The following ANKRD31 variants were observed in gnomAD, a reference collection of about 807,000 sequenced individuals.
ANKRD31 encodes the protein ankyrin repeat domain 31.
A neutral mutation model predicts 186.0 loss-of-function variants in ANKRD31; 147 were observed. The ratio of observed to expected loss-of-function variants is 0.79; its 90% CI spans 0.69 to 0.91. ANKRD31 has a LOEUF of 0.91. Among genes scored for constraint, ANKRD31 ranks in the 40% least tolerant of loss-of-function variants. The probability of loss-of-function intolerance (pLI) is 0.00; values close to 1 mark genes in which losing one functional copy is unlikely to be tolerated. For missense variants in ANKRD31, 1,986 were observed against 2,148.8 expected, an observed-to-expected ratio of 0.92 and a Z score of 1.50; for synonymous variants, 673 against 736.4, an observed-to-expected ratio of 0.91 and a Z score of 1.39.
intron 3 of ANKRD31, among the ~76,000 whole-genome samples, chr5:75,216,305 A>G (rs189191936): frequency 2.9e-4 from 44 of 152,264 alleles, no homozygotes; most frequent in South Asian, 6.2e-4. Context: ...CCCAGGTTCC[A>G]CCCAAGTATG....
chr5:75,091,061 T>A (rs996728100), intron 23 of ANKRD31, among the ~76,000 whole-genome samples, 200 bp downstream of exon 23: 4 of 152,224 alleles, frequency 2.6e-5, no homozygotes, highest in Admixed American at 6.5e-5. Context: ...TTCTGGCAAA[T>A]AGGACTTGTG....
chr5:75,165,157 A>G (rs951310469), intron 11 of ANKRD31, among the ~76,000 whole-genome samples: 11 of 152,126 alleles, frequency 7.2e-5, no homozygotes, highest in Non-Finnish European at 1.3e-4. Context: ...GGACCATGTG[A>G]TCATAAAGGT....
chr5:75,206,557 T>C, intron 4 of ANKRD31, 70 bp from the exon 5 acceptor site: 2 of 903,296 alleles, frequency 2.2e-6, no homozygotes, highest in Non-Finnish European at 2.9e-6. Flanking sequence ...TCAAATACAA[T>C]TTAATTTTTC....
At chr5:75,134,391 C>T (rs2964810) in intron 17 of ANKRD31, among the ~76,000 whole-genome samples, 14 of 152,110 alleles carry the variant, frequency 9.2e-5, no homozygotes, top group Admixed American at 3.3e-4. Flanking sequence ...AACACCTATA[C>T]GCAAATAAAT....
intron 11 of ANKRD31, among the ~76,000 whole-genome samples, chr5:75,156,371 T>C (rs1752175275): frequency 6.6e-6 from 1 of 152,188 alleles, no homozygotes; most frequent in Non-Finnish European, 1.5e-5. Flanking sequence ...TGTTAATTCA[T>C]GTTTAAAATC....
intron 1 of ANKRD31, among the ~76,000 whole-genome samples, chr5:75,232,964 C>T (rs1272499167): frequency 1.3e-5 from 2 of 152,236 alleles, no homozygotes; most frequent in Non-Finnish European, 2.9e-5. Flanking sequence ...TTCCTTTAGC[C>T]TCCCTACATA....
chr5:75,209,207 C>T (rs1370888813), intron 4 of ANKRD31, among the ~76,000 whole-genome samples: 2 of 152,026 alleles, frequency 1.3e-5, no homozygotes, highest in Non-Finnish European at 2.9e-5. Context: ...GATTTTGTAA[C>T]ATCATGCATT....
chr5:75,167,041 T>TC (rs74699205), intron 11 of ANKRD31, among the ~76,000 whole-genome samples: 29,793 of 151,826 alleles, frequency 0.2, 3,859 homozygotes, highest in African/African-American at 0.37. Flanking sequence ...ACATTTTCAT[T>TC]CCCCCTAAAA....
chr5:75,159,912 C>G (rs1259837958), intron 11 of ANKRD31, among the ~76,000 whole-genome samples: 1 of 151,968 alleles, frequency 6.6e-6, no homozygotes, highest in Non-Finnish European at 1.5e-5. Flanking sequence ...AGGCCTATAA[C>G]ATTTATAAAT....
At chr5:75,187,151 T>C (rs1259612885) in intron 10 of ANKRD31, among the ~76,000 whole-genome samples, 1 of 147,886 alleles carries the variant, frequency 6.8e-6, no homozygotes, top group Non-Finnish European at 1.5e-5. Context: ...TGTGTGTGTT[T>C]TGGGAGGTGA....
intron 25 of ANKRD31, among the ~76,000 whole-genome samples, chr5:75,074,976 G>A (rs1270493487): frequency 1.3e-5 from 2 of 152,258 alleles, no homozygotes; most frequent in East Asian, 1.9e-4. Flanking sequence ...ATACCAGTAT[G>A]TAATAATATT....
chr5:75,109,186 A>G (rs1162303747), intron 20 of ANKRD31, among the ~76,000 whole-genome samples: 1 of 152,212 alleles, frequency 6.6e-6, no homozygotes, highest in African/African-American at 2.4e-5. Flanking sequence ...CTTATCTTAA[A>G]TACAGAAAAA....
At chr5:75,086,009 A>G (rs576298374) in intron 23 of ANKRD31, among the ~76,000 whole-genome samples, 11 of 152,320 alleles carry the variant, frequency 7.2e-5, no homozygotes, top group African/African-American at 1.9e-4. Context: ...CTCACTTGCC[A>G]TAGAAAGTAG....
intron 10 of ANKRD31, among the ~76,000 whole-genome samples, chr5:75,180,710 T>C (rs1415375298): frequency 1.3e-5 from 2 of 152,196 alleles, no homozygotes; most frequent in African/African-American, 4.8e-5. Flanking sequence ...GATCCCTTCC[T>C]TACACCTATA....
intron 11 of ANKRD31, among the ~76,000 whole-genome samples, chr5:75,168,590 T>C (rs1422696): frequency 0.51 from 77,056 of 151,924 alleles, 22,568 homozygotes; most frequent in African/African-American, 0.82. Context: ...TGCCTCAGGC[T>C]GATTATGAAA....
chr5:75,148,706 T>C (rs899651789), intron 12 of ANKRD31, 78 bp from the exon 13 acceptor site: 4 of 1,101,558 alleles, frequency 3.6e-6, no homozygotes, highest in Non-Finnish European at 5.0e-6. Context: ...ACCAGTCCTT[T>C]GCCACGAGAA....
chr5:75,083,623 G>A (rs944979980), intron 24 of ANKRD31, among the ~76,000 whole-genome samples: 1 of 151,994 alleles, frequency 6.6e-6, no homozygotes, highest in Non-Finnish European at 1.5e-5. Flanking sequence ...CCAGCTACTC[G>A]GGAGGCTGAG....
intron 22 of ANKRD31, among the ~76,000 whole-genome samples, chr5:75,097,186 G>T (rs951501425): frequency 1.3e-5 from 2 of 152,146 alleles, no homozygotes; most frequent in African/African-American, 4.8e-5. Context: ...GTAATGGGAT[G>T]GCTGGGTCAA....
chr5:75,192,874 G>T (rs1227501029), intron 8 of ANKRD31, 98 bp from the exon 9 acceptor site: 2 of 922,014 alleles, frequency 2.2e-6, no homozygotes, highest in Admixed American at 5.6e-5. Flanking sequence ...AAACTCCAGG[G>T]TATTTTACTG....
Sources: gnomAD v4.1 joint callset for allele counts (sites outside exome capture counted in the v4.1 genomes callset) on GRCh38, gnomAD v4.1.1 for gene constraint, MANE v1.5 for transcripts, NCBI Gene and HGNC (gene_info 2026-07-23, HGNC 2026-07-21) for gene names.